The following CSMD2 variants were observed in gnomAD, a reference collection of about 807,000 sequenced individuals.
CSMD2 encodes CUB and Sushi multiple domains 2, also known as CUB and sushi domain-containing protein 2.
A neutral mutation model predicts 398.5 loss-of-function variants in CSMD2; 130 were observed. That is an observed-to-expected ratio of 0.33 (90% CI 0.28 to 0.38). The LOEUF is 0.38. CSMD2 is among the 10% of genes least tolerant of loss of function. The pLI is 1.00. For synonymous variants in CSMD2, 1,828 were observed against 1,908.5 expected, an observed-to-expected ratio of 0.96 and a Z score of 1.10; for missense variants, 3,829 against 4,764.9, an observed-to-expected ratio of 0.80 and a Z score of 5.78.
rs372498002 is a variant in CSMD2, at chr1:33,601,029, G to A, written c.6711-19C>T. On this transcript the variant is annotated intron_variant, in intron 43 of 70. Transcript: ENST00000373381. ...CCCATCCCTGTACACAGGAAACAAG[G>A]TCCTGGCATGTCACTAGTCACCATG... 5 of 1,613,682 alleles carry A rather than the reference G, an allele frequency of 3.1e-6. No homozygotes were observed. The African/African-American group carries it at 4.0e-5, about 13-fold the overall frequency.
rs144194240 is a variant in CSMD2 at position 33,858,985 on chromosome 1, A to C, written c.921-11989T>G. On this transcript the variant is annotated intron_variant, in intron 5 of 70. Coordinates refer to ENST00000373381, the MANE Select transcript of CSMD2 (RefSeq NM_001281956.2). Reference sequence around the variant, plus strand: ...ATATATCATGTTCTTTTCCCTCAACAAATTGAATATGCCGTGGTATAAAAC... The same window carrying C: ...ATATATCATGTTCTTTTCCCTCAACCAATTGAATATGCCGTGGTATAAAAC... Among the ~76,000 whole-genome samples the C allele has an allele frequency of 6.5e-3, 991 of 152,278 alleles. 8 individuals are homozygous for C. Among genetic ancestry groups the C allele is most frequent in the Middle Eastern group, 0.034 (10 of 294 alleles).
intron 32 of CSMD2, 84 bp from the exon 33 acceptor site, chr1:33,626,665 G>T: frequency 1.1e-6 from 1 of 909,444 alleles, no homozygotes; most frequent in Non-Finnish European, 1.7e-6. Context: ...GGAAGGAGGG[G>T]CTGCCAGTAC....
chr1:34,085,658 A>T lies in CSMD2; in HGVS notation c.404+3319T>A, dbSNP rs77885620. The stretch of plus-strand genomic sequence containing the variant: ...TAGGGGGAAAAGAGCTGACCATTTG[A>T]AAGTGAGATATGAACCCCTTTCTTT... On this transcript the variant is annotated intron_variant, in intron 2 of 70. Transcript: ENST00000373381. 5.9e-3 allele frequency among the ~76,000 whole-genome samples: 904 copies of T among 152,328 alleles called. 9 individuals are homozygous for T. The highest frequency in any genetic ancestry group is 0.052 in the East Asian group (270 of 5,186).
chr1:33,832,691 A>C (rs1447510772), intron 6 of CSMD2, among the ~76,000 whole-genome samples: 5 of 151,254 alleles, frequency 3.3e-5, no homozygotes, highest in African/African-American at 9.7e-5. Flanking sequence ...AAAACCCTTC[A>C]AAAAATTAAT....
intron 14 of CSMD2, among the ~76,000 whole-genome samples, chr1:33,742,194 T>C (rs557639432): frequency 3.3e-4 from 50 of 151,238 alleles, no homozygotes; most frequent in African/African-American, 1.2e-3. Flanking sequence ...TAAACAAGAG[T>C]GGTGAGGGGA....
At chr1:33,731,782 A>G (rs1646728503) in intron 15 of CSMD2, among the ~76,000 whole-genome samples, 1 of 152,194 alleles carries the variant, frequency 6.6e-6, no homozygotes, top group South Asian at 2.1e-4. Context: ...ATTTGATTAT[A>G]TTAATTGTTT....
intron 25 of CSMD2, among the ~76,000 whole-genome samples, chr1:33,682,143 T>C (rs770662902): frequency 6.6e-6 from 1 of 152,196 alleles, no homozygotes; most frequent in Non-Finnish European, 1.5e-5. Flanking sequence ...GCTGCTGGCA[T>C]TCGTTGGCTT....
chr1:34,141,026 A>G (rs1639240565), intron 1 of CSMD2, among the ~76,000 whole-genome samples: 1 of 152,080 alleles, frequency 6.6e-6, no homozygotes, highest in Admixed American at 6.5e-5. Flanking sequence ...CTGTGAATAT[A>G]GGGCCTTTTG....
chr1:33,630,984 T>C (rs867753959), intron 32 of CSMD2, among the ~76,000 whole-genome samples: 5 of 151,878 alleles, frequency 3.3e-5, no homozygotes, highest in Non-Finnish European at 7.4e-5. Flanking sequence ...GAGCTCTCAA[T>C]TCAAGATGTT....
chr1:33,917,187 G>A (rs111438468), intron 5 of CSMD2, among the ~76,000 whole-genome samples: 4 of 152,274 alleles, frequency 2.6e-5, no homozygotes, highest in African/African-American at 9.6e-5. Context: ...AGCCAACGCC[G>A]TGACTCCTGC....
intron 40 of CSMD2, among the ~76,000 whole-genome samples, chr1:33,612,839 G>A (rs983621279): frequency 3.0e-5 from 3 of 101,078 alleles, no homozygotes; most frequent in Non-Finnish European, 6.0e-5. Context: ...CCGCCACCAG[G>A]CCCAGCTAAT....
chr1:34,142,341 G>A (rs1639377418), intron 1 of CSMD2, among the ~76,000 whole-genome samples: 1 of 152,080 alleles, frequency 6.6e-6, no homozygotes, highest in African/African-American at 2.4e-5. Flanking sequence ...TGGAGCCAAG[G>A]CCCAAGATCG....
intron 13 of CSMD2, among the ~76,000 whole-genome samples, chr1:33,768,110 A>G (rs1650753225): frequency 6.6e-6 from 1 of 152,250 alleles, no homozygotes; most frequent in Non-Finnish European, 1.5e-5. Context: ...AATGTAGAAC[A>G]TTTAATAAAA....
chr1:33,567,478 C>CATATATATATATAT (rs774765893), intron 53 of CSMD2, 115 bp downstream of exon 53: 18,083 of 466,144 alleles, frequency 0.039, 850 homozygotes, highest in Admixed American at 0.057. Flanking sequence ...AAATAGCAAT[C>CATATATATATATAT]ATATATATAT....
intron 5 of CSMD2, among the ~76,000 whole-genome samples, chr1:33,894,644 T>C (rs1642257627): frequency 6.6e-6 from 1 of 152,200 alleles, no homozygotes; most frequent in African/African-American, 2.4e-5. Context: ...CTTCCCTGTA[T>C]TATGTCCCTC....
At chr1:33,922,184 G>A (rs1028256899) in intron 4 of CSMD2, among the ~76,000 whole-genome samples, 1 of 152,162 alleles carries the variant, frequency 6.6e-6, no homozygotes, top group Non-Finnish European at 1.5e-5. Flanking sequence ...GGATCCCAGA[G>A]ACTGTGAGGC....
intron 6 of CSMD2, among the ~76,000 whole-genome samples, chr1:33,832,062 G>T (rs1348603234): frequency 6.8e-6 from 1 of 147,900 alleles, no homozygotes; most frequent in East Asian, 2.0e-4. Flanking sequence ...CAATAATAAT[G>T]GGAGACTTTA....
chr1:33,732,321 T>C (rs76405638), intron 15 of CSMD2, among the ~76,000 whole-genome samples: 76 of 152,298 alleles, frequency 5.0e-4, no homozygotes, highest in African/African-American at 1.3e-3. Flanking sequence ...ATGGATGGAA[T>C]TGTGTCCTCC....
At position 33,586,532 on chromosome 1, in the gene CSMD2, C is replaced by T. The variant is rs1176164508; in HGVS notation, c.7023G>A (p.Gln2341=). 1.2e-6 allele frequency: 2 copies of T among 1,613,660 alleles called. No individual in the cohort carries two copies. Among genetic ancestry groups the T allele is most frequent in the Non-Finnish European group, 1.7e-6 (2 of 1,179,628 alleles). Residue 2341 remains glutamine (Q), a synonymous_variant, in exon 46 of 71, where the codon CAG becomes CAA. Coordinates refer to ENST00000373381, the MANE Select transcript of CSMD2 (RefSeq NM_001281956.2). ...CACATATCGGGGGTGGTCCTTCAAACTGCAGGTAGGTTCCAAGTTTGCAGG... is the reference window on the plus strand; with the variant it reads ...CACATATCGGGGGTGGTCCTTCAAATTGCAGGTAGGTTCCAAGTTTGCAGG... ...ILTCKLGTYL[Q]FEGPPPICEV... is the part of the protein sequence containing the mutation.
Sources: allele counts gnomAD v4.1 joint callset (sites outside exome capture counted in the v4.1 genomes callset), GRCh38; gene constraint gnomAD v4.1.1; transcripts MANE v1.5; gene names NCBI Gene and HGNC (gene_info 2026-07-23, HGNC 2026-07-21).